Variants in RPRD2 observed in about 807,000 individuals in gnomAD.
RPRD2 encodes regulation of nuclear pre-mRNA domain containing 2, also known as regulation of nuclear pre-mRNA domain-containing protein 2.
RPRD2 carries 12 observed loss-of-function variants against 104.4 expected under a neutral mutation model. The observed-to-expected ratio is 0.11, with a 90% CI of 0.07 to 0.19. The LOEUF (loss-of-function observed/expected upper bound fraction) is 0.19. RPRD2 is among the 10% of genes least tolerant of loss of function. The probability of loss-of-function intolerance (pLI) is 1.00; values close to 1 mark genes in which losing one functional copy is unlikely to be tolerated. For missense variants in RPRD2, 1,543 were observed against 1,790.1 expected (o/e 0.86, Z 2.49); for synonymous variants, 714 against 684.9 (o/e 1.04, Z -0.66).
rs1365524978 is a variant in RPRD2 at position 150,471,321 on chromosome 1, C to T, written c.2373C>T (p.Pro791=). 2 of 1,613,572 alleles carry T rather than the reference C, an allele frequency of 1.2e-6. No homozygotes were observed. Among genetic ancestry groups the T allele is most frequent in the African/African-American group, 2.7e-5 (2 of 74,828 alleles). The change falls in exon 11 of 11, where the codon CCC becomes CCT. Residue 791 remains proline, a synonymous_variant. Coordinates refer to ENST00000369068, the MANE Select transcript of RPRD2 (RefSeq NM_015203.5). This position sits in a 1 kb window ranked among gnomAD's most constrained non-coding sequence, Gnocchi z 5.3. ...ELSNSVSTYR[P]FGLGSESPYK... ...CCAATTCTGTATCTACATATCGACC[C>T]TTTGGTCTGGGCAGTGAATCTCCCT...
chr1:150,437,858 G>A (rs934510146), intron 2 of RPRD2, among the ~76,000 whole-genome samples: 1 of 151,828 alleles, frequency 6.6e-6, no homozygotes, highest in Admixed American at 6.6e-5. Flanking sequence ...AGAACTGCAG[G>A]CGTGAGCCAC....
intron 1 of RPRD2, among the ~76,000 whole-genome samples, chr1:150,379,214 C>T (rs868937903): frequency 6.7e-6 from 1 of 148,792 alleles, no homozygotes; most frequent in Non-Finnish European, 1.5e-5. Flanking sequence ...ACCTGGGAGG[C>T]GGAGGTTGCA....
chr1:150,420,820 C>T (rs1553889529), intron 2 of RPRD2, among the ~76,000 whole-genome samples: 2 of 151,860 alleles, frequency 1.3e-5, no homozygotes, highest in Non-Finnish European at 2.9e-5. Flanking sequence ...AGCAAGACCC[C>T]GTCTCAAGAA....
rs367920435 is a variant in RPRD2, at chr1:150,415,311, G to A, written c.206-2285G>A. Among the ~76,000 whole-genome samples, 19 of 151,202 alleles carry A rather than the reference G, an allele frequency of 1.3e-4. No individual in the cohort carries two copies. In the East Asian group the frequency reaches 2.3e-3, roughly 19 times the overall value. Reference sequence around the variant, plus strand: ...TGTGCCATTGCACTCTAGCCTGGGCGACGAGTGAAACTGTCTCAAAAATAA... The same window carrying A: ...TGTGCCATTGCACTCTAGCCTGGGCAACGAGTGAAACTGTCTCAAAAATAA... On this transcript the variant is annotated intron_variant, in intron 1 of 10. Coordinates refer to ENST00000369068, the MANE Select transcript of RPRD2 (RefSeq NM_015203.5).
At chr1:150,385,204 G>C (rs1211325246) in intron 1 of RPRD2, among the ~76,000 whole-genome samples, 8 of 152,138 alleles carry the variant, frequency 5.3e-5, no homozygotes, top group Non-Finnish European at 1.2e-4. Context: ...GCTCATGCCT[G>C]TAATCCCAGC....
chr1:150,391,585 G>A (rs183124011), intron 1 of RPRD2, among the ~76,000 whole-genome samples: 178 of 152,328 alleles, frequency 1.2e-3, no homozygotes, highest in African/African-American at 4.1e-3. Flanking sequence ...AACATTTCCT[G>A]TATGAGATAT....
chr1:150,457,343 T>G lies in RPRD2; in HGVS notation c.926T>G (p.Leu309Trp). Residue 309 changes from leucine to tryptophan, a missense_variant, in exon 8 of 11, where the codon TTG becomes TGG. Around this residue, in one of 4 missense-constraint regions of RPRD2, gnomAD observed 572 missense variants for 787.3 expected, o/e 0.73. Transcript: ENST00000369068. ...VNNLKKKLDQ[L>W]KSTLPDPEES... ...AATTTAAAGAAGAAGTTGGATCAAT[T>G]GAAGTCAACCCTTCCAGATCCTGAA... 1 of 1,607,056 alleles carries G rather than the reference T, an allele frequency of 6.2e-7. No individual in the cohort carries two copies. The highest frequency in any genetic ancestry group is 8.5e-7 in the Non-Finnish European group (1 of 1,173,558).
rs1267577046 is a variant in RPRD2, at chr1:150,474,591, T to C, written c.*1257T>C. The C allele has an allele frequency of 1.3e-5, 2 of 152,236 alleles. No individual in the cohort carries two copies. Among genetic ancestry groups the C allele is most frequent in the Non-Finnish European group, 2.9e-5 (2 of 68,042 alleles). The allele number at this position is 152,236 out of a possible 1,614,324, so 9.4% of individuals were successfully genotyped here. A position where few individuals can be genotyped will look rare whatever the true frequency, so the allele number is the denominator to read the frequency against. On this transcript the variant is annotated 3_prime_UTR_variant, in exon 11 of 11. Transcript: ENST00000369068. ...TTCTCCCTGGACTGAAAGACTTGTTTGTATTTCTACATCTAGTACTTGGGA... is the reference window on the plus strand; with the variant it reads ...TTCTCCCTGGACTGAAAGACTTGTTCGTATTTCTACATCTAGTACTTGGGA...
intron 1 of RPRD2, among the ~76,000 whole-genome samples, chr1:150,383,693 T>C (rs1423165251): frequency 6.6e-6 from 1 of 151,888 alleles, no homozygotes; most frequent in South Asian, 2.1e-4. Context: ...AAACAAGGAG[T>C]ATAAAACAAT....
At chr1:150,370,083 A>G (rs1660188458) in intron 1 of RPRD2, among the ~76,000 whole-genome samples, 3 of 151,900 alleles carry the variant, frequency 2.0e-5, no homozygotes, top group Admixed American at 6.6e-5. Flanking sequence ...CGCCCGGCCA[A>G]ATTTTTATGT....
At chr1:150,461,639 T>G (rs1392340123) in intron 9 of RPRD2, among the ~76,000 whole-genome samples, 1 of 151,648 alleles carries the variant, frequency 6.6e-6, no homozygotes, top group Non-Finnish European at 1.5e-5. Context: ...GGCCAGGAGT[T>G]GGAGACAAAC....
chr1:150,444,459 A>G, intron 6 of RPRD2, 82 bp downstream of exon 6: 2 of 1,398,852 alleles, frequency 1.4e-6, no homozygotes, highest in Non-Finnish European at 1.9e-6. Flanking sequence ...GGTTTACCTC[A>G]TAAGGAGATC....
chr1:150,415,338 A>C (rs1263253554), intron 1 of RPRD2, among the ~76,000 whole-genome samples: 2 of 151,236 alleles, frequency 1.3e-5, no homozygotes, highest in East Asian at 1.9e-4. Flanking sequence ...CAAAAATAAT[A>C]ATAATAATAA....
intron 7 of RPRD2, among the ~76,000 whole-genome samples, chr1:150,453,325 C>T (rs1667325292): frequency 6.6e-6 from 1 of 152,210 alleles, no homozygotes; most frequent in Non-Finnish European, 1.5e-5. Context: ...GCCACCGCGC[C>T]TGGCCTCAGT....
At chr1:150,466,011 CAA>C (rs71578500) in intron 10 of RPRD2, among the ~76,000 whole-genome samples, 14 of 69,250 alleles carry the variant, frequency 2.0e-4, no homozygotes, top group Admixed American at 4.9e-4. Flanking sequence ...AGACTCAGTC[CAA>C]AAAAAAAAAA....
chr1:150,417,755 C>A, intron 2 of RPRD2, 30 bp downstream of exon 2: 1 of 1,513,826 alleles, frequency 6.6e-7, no homozygotes. Flanking sequence ...TCTATGGGAT[C>A]TAAACTTAGA....
chr1:150,386,948 C>T (rs11582835), intron 1 of RPRD2, among the ~76,000 whole-genome samples: 12,468 of 152,086 alleles, frequency 0.082, 675 homozygotes, highest in Non-Finnish European at 0.12. Flanking sequence ...GATGGCTGCA[C>T]GTATGTCTTT....
chr1:150,459,970 A>G (rs1203610862), intron 8 of RPRD2, 90 bp from the exon 9 acceptor site: 1 of 1,240,012 alleles, frequency 8.1e-7, no homozygotes, highest in African/African-American at 1.5e-5. Context: ...TTTTCCCCCA[A>G]GTCCGGAAAT....
intron 1 of RPRD2, among the ~76,000 whole-genome samples, chr1:150,372,246 A>G (rs1660367757): frequency 6.6e-6 from 1 of 152,172 alleles, no homozygotes; most frequent in East Asian, 1.9e-4. Flanking sequence ...TTCAATATTT[A>G]TCAAACACCT....
Sources: allele counts gnomAD v4.1 joint callset (sites outside exome capture counted in the v4.1 genomes callset), GRCh38; gene constraint gnomAD v4.1.1; regional missense constraint gnomAD v4.1.1; non-coding constraint Gnocchi (gnomAD v3.1); transcripts MANE v1.5; gene names NCBI Gene and HGNC (gene_info 2026-07-23, HGNC 2026-07-21).